PPP2R5C: variants seen among roughly 807,000 people sequenced by gnomAD.
PPP2R5C encodes the protein protein phosphatase 2 regulatory subunit B'gamma.
Under a neutral mutation model 68.9 loss-of-function variants are expected in PPP2R5C, and 7 were observed. The observed-to-expected ratio is 0.10, with a 90% CI of 0.06 to 0.19. PPP2R5C has a LOEUF of 0.19. PPP2R5C is among the 10% of genes least tolerant of loss of function. The pLI is 1.00. For synonymous variants in PPP2R5C, 210 were observed against 222.2 expected (o/e 0.95, Z 0.49); for missense variants, 348 against 641.3 (o/e 0.54, Z 4.94).
intron 1 of PPP2R5C, among the ~76,000 whole-genome samples, chr14:101,815,726 G>A (rs1285896094): frequency 6.6e-6 from 1 of 152,210 alleles, no homozygotes; most frequent in Non-Finnish European, 1.5e-5. Flanking sequence ...CTGGGGTGCA[G>A]TGGCGTGATC....
In PPP2R5C at chr14:101,917,984, T is replaced by A; in HGVS notation, c.1443+37T>A. 6.2e-7 allele frequency: 1 copy of A among 1,612,832 alleles called. No individual in the cohort carries two copies. Among genetic ancestry groups the A allele is most frequent in the Non-Finnish European group, 8.5e-7 (1 of 1,179,172 alleles). On this transcript the variant is annotated intron_variant, in intron 13 of 13. Coordinates refer to ENST00000334743, the Ensembl canonical transcript of PPP2R5C. This position sits in a 1 kb window ranked among gnomAD's most constrained non-coding sequence, Gnocchi z 4.4. ...CCGAGCTCAGCTGGGCACCCATGAC[T>A]GATTTGCTTAAGAAATGCACATTTT... is the stretch of plus-strand genomic sequence containing the variant.
At chr14:101,775,293 C>T (rs1014475612) in intron 2 of PPP2R5C, among the ~76,000 whole-genome samples, 23 of 152,224 alleles carry the variant, frequency 1.5e-4, no homozygotes, top group African/African-American at 5.5e-4. Context: ...CTGCTTGTTT[C>T]ATTTGGTAAA....
At chr14:101,894,757 A>C (rs2045194145) in intron 8 of PPP2R5C, among the ~76,000 whole-genome samples, 197 bp downstream of exon 10, 1 of 152,136 alleles carries the variant, frequency 6.6e-6, no homozygotes, top group Non-Finnish European at 1.5e-5. Context: ...CCTTTATTAT[A>C]GTGATTATTT....
At chr14:101,853,493 A>G (rs1166992148) in intron 1 of PPP2R5C, among the ~76,000 whole-genome samples, 4 of 152,160 alleles carry the variant, frequency 2.6e-5, no homozygotes, top group Non-Finnish European at 5.9e-5. Flanking sequence ...ATTGTAATAA[A>G]TTTGCTTTTG....
At chr14:101,823,625 T>G in intron 1 of PPP2R5C, 1 of 366,776 alleles carries the variant, frequency 2.7e-6, no homozygotes, top group Non-Finnish European at 3.9e-6. Flanking sequence ...CAAGTATGAT[T>G]AGTCCTACTT....
intron 1 of PPP2R5C, chr14:101,833,612 G>A (rs2040891812): frequency 6.6e-6 from 1 of 152,204 alleles, no homozygotes; most frequent in African/African-American, 2.4e-5. Context: ...ATTTCATTGA[G>A]AGGACACAGT....
intron 2 of PPP2R5C, among the ~76,000 whole-genome samples, chr14:101,860,837 T>G (rs906819594): frequency 3.9e-5 from 6 of 152,212 alleles, no homozygotes; most frequent in African/African-American, 7.2e-5. Flanking sequence ...ACCTAGAAAT[T>G]AATGGAAACG....
intron 2 of PPP2R5C, among the ~76,000 whole-genome samples, chr14:101,768,607 C>T (rs2036982075): frequency 6.6e-6 from 1 of 152,102 alleles, no homozygotes; most frequent in African/African-American, 2.4e-5. Flanking sequence ...CTGTCTGCCC[C>T]TGCACGCAAG....
intron 1 of PPP2R5C, among the ~76,000 whole-genome samples, chr14:101,813,246 C>T (rs2039474172): frequency 6.6e-6 from 1 of 152,196 alleles, no homozygotes; most frequent in African/African-American, 2.4e-5. Flanking sequence ...ACAGCACAGT[C>T]GTAGACTGGA....
chr14:101,870,040 C>CTT (rs141433870), intron 2 of PPP2R5C, among the ~76,000 whole-genome samples: 19 of 53,096 alleles, frequency 3.6e-4, no homozygotes, highest in African/African-American at 5.1e-4. Context: ...TTCAATTGGG[C>CTT]TTTTTTTTTT....
Position 101,813,584 on chromosome 14 carries a change from A to G in PPP2R5C, c.94+3548A>G, listed in dbSNP as rs71424481. ...GGGCCCACTTCCCACCCTGCAGCGC[A>G]TGCTCACTTCAGGAGCCAGGTTTAA... On this transcript the variant is annotated intron_variant, in intron 1 of 13. Transcript: ENST00000334743. Among the ~76,000 whole-genome samples, 12 of 152,372 alleles carry G rather than the reference A, an allele frequency of 7.9e-5. No individual in the cohort carries two copies. The East Asian group carries it at 1.3e-3, about 17-fold the overall frequency.
chr14:101,768,361 T>C (rs562522973), intron 2 of PPP2R5C, among the ~76,000 whole-genome samples: 1 of 152,336 alleles, frequency 6.6e-6, no homozygotes, highest in East Asian at 1.9e-4. Context: ...TCTTCACAAT[T>C]ATCAAGCACC....
intron 10 of PPP2R5C, among the ~76,000 whole-genome samples, chr14:101,909,032 A>G (rs2046239385): frequency 6.6e-6 from 1 of 152,170 alleles, no homozygotes; most frequent in South Asian, 2.1e-4. Context: ...CTGCAGTCCC[A>G]TGGCAGCTGG....
chr14:101,767,709 T>C (rs2036929450), intron 2 of PPP2R5C, among the ~76,000 whole-genome samples: 1 of 152,246 alleles, frequency 6.6e-6, no homozygotes, highest in African/African-American at 2.4e-5. Flanking sequence ...TGCCACGTCT[T>C]GGCTCCCTCT....
At chr14:101,822,300 G>A (rs1049712770) in intron 1 of PPP2R5C, among the ~76,000 whole-genome samples, 1 of 152,052 alleles carries the variant, frequency 6.6e-6, no homozygotes, top group Non-Finnish European at 1.5e-5. Flanking sequence ...TGTGATTGGC[G>A]TTCCGATCTA....
chr14:101,774,022 A>G (rs762520445), intron 2 of PPP2R5C, among the ~76,000 whole-genome samples: 4 of 152,326 alleles, frequency 2.6e-5, no homozygotes, highest in East Asian at 1.9e-4. Context: ...TCTGAGGGTC[A>G]TGGGAAGCCA....
At chr14:101,871,018 A>G (rs1303447663) in intron 2 of PPP2R5C, among the ~76,000 whole-genome samples, 1 of 152,142 alleles carries the variant, frequency 6.6e-6, no homozygotes, top group Non-Finnish European at 1.5e-5. Context: ...TTTTACCATG[A>G]TAGATATGAC....
chr14:101,909,029 C>T (rs891070844), intron 10 of PPP2R5C, among the ~76,000 whole-genome samples: 12 of 152,128 alleles, frequency 7.9e-5, no homozygotes, highest in African/African-American at 2.9e-4. Flanking sequence ...GGGCTGCAGT[C>T]CCATGGCAGC....
At position 101,762,155 on chromosome 14, in the gene PPP2R5C, G is replaced by T. The variant is rs556095110; in HGVS notation, c.27+235G>T. ...GAGCCGCGGGGCGCAGGCCCGGGCC[G>T]CTGGGACCTTCGTGATGGGCCGGGG... On this transcript the variant is annotated intron_variant, in intron 1 of 14. Transcript: ENST00000328724. 1.2e-4 allele frequency among the ~76,000 whole-genome samples: 18 copies of T among 151,788 alleles called. No homozygotes were observed. In the East Asian group the frequency reaches 3.1e-3, roughly 26 times the overall value.
Sources: gnomAD v4.1 joint callset for allele counts (sites outside exome capture counted in the v4.1 genomes callset) on GRCh38, gnomAD v4.1.1 for gene constraint, Gnocchi (gnomAD v3.1) non-coding constraint, MANE v1.5 for transcripts, NCBI Gene and HGNC (gene_info 2026-07-23, HGNC 2026-07-21) for gene names.